Variants in TMCO5A observed in about 807,000 individuals in gnomAD.
TMCO5A encodes the protein transmembrane and coiled-coil domain-containing protein 5A.
A neutral mutation model predicts 42.3 loss-of-function variants in TMCO5A; 34 were observed. The observed-to-expected ratio is 0.80, with a 90% confidence interval of 0.61 to 1.07. The LOEUF is 1.07. Ranked by LOEUF, TMCO5A falls within the 50% of genes least tolerant of loss-of-function variation. The pLI is 0.00. For missense variants in TMCO5A, 357 were observed against 327.9 expected, an observed-to-expected ratio of 1.09 and a Z score of -0.69; for synonymous variants, 131 against 115.6, an observed-to-expected ratio of 1.13 and a Z score of -0.86.
chr15:38,012,105 C>A, the TMCO5A span, among the ~76,000 whole-genome samples: 2 of 148,140 alleles, frequency 1.4e-5, no homozygotes, highest in Admixed American at 6.8e-5. Flanking sequence ...CCCTAGGTGA[C>A]AGAGCGAGAC....
downstream of TMCO5A, among the ~76,000 whole-genome samples, chr15:37,953,317 G>A (rs1403523320): frequency 6.6e-6 from 1 of 152,162 alleles, no homozygotes; most frequent in African/African-American, 2.4e-5. Context: ...AGTGGTTTTG[G>A]CCACAGAGGT....
chr15:37,953,048 C>T (rs966739058), downstream of TMCO5A, among the ~76,000 whole-genome samples: 3 of 152,166 alleles, frequency 2.0e-5, no homozygotes, highest in African/African-American at 7.2e-5. Context: ...ATCTGCAGTA[C>T]AGTACAATAT....
the TMCO5A span, among the ~76,000 whole-genome samples, chr15:37,985,977 T>C: frequency 6.6e-6 from 1 of 152,124 alleles, no homozygotes; most frequent in Non-Finnish European, 1.5e-5. Context: ...AAGGAAGTAA[T>C]GTGCCATTAT....
At chr15:37,937,274 T>G in intron 4 of TMCO5A, 72 bp from the exon 5 acceptor site, 2 of 1,541,756 alleles carry the variant, frequency 1.3e-6, no homozygotes, top group Non-Finnish European at 1.8e-6. Context: ...TGGGGTGAAA[T>G]GGACAGCAAT....
At chr15:37,972,399 C>A (rs1254239629), downstream of TMCO5A, among the ~76,000 whole-genome samples, 1 of 152,160 alleles carries the variant, frequency 6.6e-6, no homozygotes, top group East Asian at 1.9e-4. Context: ...ACAGTCCCAC[C>A]AACAATGTAT....
the TMCO5A span, among the ~76,000 whole-genome samples, chr15:38,023,621 G>T: frequency 1.3e-5 from 2 of 152,156 alleles, no homozygotes; most frequent in African/African-American, 4.8e-5. Flanking sequence ...AAGTGGAGAG[G>T]AATTAGGTCC....
the TMCO5A span, among the ~76,000 whole-genome samples, chr15:37,995,078 A>C: frequency 6.6e-6 from 1 of 152,004 alleles, no homozygotes; most frequent in Admixed American, 6.6e-5. Context: ...TTATAAGCAA[A>C]AGCTCTCCCT....
chr15:38,036,036 C>T, the TMCO5A span, among the ~76,000 whole-genome samples: 11 of 152,274 alleles, frequency 7.2e-5, no homozygotes, highest in East Asian at 2.1e-3. Flanking sequence ...AATGGGTCTC[C>T]CAAGGTGAGA....
intron 10 of TMCO5A, among the ~76,000 whole-genome samples, chr15:37,946,335 T>C (rs1889954399): frequency 6.6e-6 from 1 of 152,192 alleles, no homozygotes; most frequent in South Asian, 2.1e-4. Context: ...AGGGTTGTCT[T>C]GGCTATTAGG....
downstream of TMCO5A, among the ~76,000 whole-genome samples, chr15:37,955,976 A>C (rs1044465608): frequency 6.6e-6 from 1 of 152,176 alleles, no homozygotes; most frequent in Non-Finnish European, 1.5e-5. Flanking sequence ...GAAACTAAAC[A>C]ACCTGCTCCT....
chr15:37,966,569 G>C (rs1890561949), intron 11 of TMCO5A: 4 of 702,652 alleles, frequency 5.7e-6, no homozygotes, highest in African/African-American at 1.7e-5. Context: ...CAAGGCTACA[G>C]CAAGAAACCT....
chr15:37,944,696 A>G (rs187225560), intron 10 of TMCO5A, among the ~76,000 whole-genome samples: 12 of 152,162 alleles, frequency 7.9e-5, no homozygotes, highest in African/African-American at 2.9e-4. Flanking sequence ...CAACCTCCCA[A>G]GTAGCTAGGA....
chr15:37,936,816 G>T, intron 3 of TMCO5A, 31 bp from the exon 4 acceptor site: 3 of 1,608,996 alleles, frequency 1.9e-6, no homozygotes, highest in Non-Finnish European at 2.5e-6. Context: ...GCCAAGCATG[G>T]GTCCTCATGG....
chr15:38,016,659 A>G, the TMCO5A span, among the ~76,000 whole-genome samples: 6 of 152,178 alleles, frequency 3.9e-5, no homozygotes, highest in African/African-American at 1.2e-4. Flanking sequence ...CTAGTCCCCA[A>G]GCACAAAGGA....
the TMCO5A span, among the ~76,000 whole-genome samples, chr15:38,031,156 G>A: frequency 6.6e-6 from 1 of 152,106 alleles, no homozygotes; most frequent in African/African-American, 2.4e-5. Flanking sequence ...GCACCCTTCA[G>A]GGAGAGTAAT....
Position 37,941,138 on chromosome 15 carries a change from G to C in TMCO5A, c.388-11G>C. The stretch of plus-strand genomic sequence containing the variant: ...CCTTGCCAAGTTAGCAGTCTCTTTT[G>C]CTTTCTTTAGGTTAAGTTACAACAG... On this transcript the variant is annotated splice_polypyrimidine_tract_variant and intron_variant, in intron 6 of 11. Transcript: ENST00000319669. 1.2e-6 allele frequency: 2 copies of C among 1,612,910 alleles called. No homozygotes were observed. Among genetic ancestry groups the C allele is most frequent in the Non-Finnish European group, 1.7e-6 (2 of 1,179,390 alleles).
the TMCO5A span, among the ~76,000 whole-genome samples, chr15:38,000,439 G>A: frequency 6.0e-5 from 9 of 150,518 alleles, no homozygotes; most frequent in East Asian, 1.9e-4. Context: ...AAAGTTTCTC[G>A]GTTTTGTTTA....
At chr15:38,032,654 G>C in the TMCO5A span, among the ~76,000 whole-genome samples, 1 of 152,162 alleles carries the variant, frequency 6.6e-6, no homozygotes. Context: ...TGGGTAGCCA[G>C]GCATTAATTC....
intron 10 of TMCO5A, 114 bp downstream of exon 10, chr15:37,943,512 A>G: frequency 3.1e-6 from 3 of 960,846 alleles, no homozygotes; most frequent in Non-Finnish European, 4.8e-6. Flanking sequence ...GCATTTTCCA[A>G]GAACAGTACC....
Sources: gnomAD v4.1 joint callset for allele counts (sites outside exome capture counted in the v4.1 genomes callset) on GRCh38, gnomAD v4.1.1 for gene constraint, MANE v1.5 for transcripts, NCBI Gene and HGNC (gene_info 2026-07-23, HGNC 2026-07-21) for gene names.